Variants in SLC13A3 observed in about 807,000 individuals in gnomAD.
SLC13A3 encodes the protein solute carrier family 13 member 3, also known as Na(+)/dicarboxylate cotransporter 3.
SLC13A3 carries 40 observed loss-of-function variants against 59.0 expected under a neutral mutation model. The observed-to-expected ratio is 0.68, with a 90% CI of 0.53 to 0.88. SLC13A3 has a LOEUF of 0.88. Ranked by LOEUF, SLC13A3 falls within the 40% of genes least tolerant of loss-of-function variation. The probability of loss-of-function intolerance (pLI) is 0.00; values close to 1 mark genes in which losing one functional copy is unlikely to be tolerated. For missense variants in SLC13A3, 699 were observed against 783.2 expected (o/e 0.89, Z 1.28); for synonymous variants, 317 against 330.3 (o/e 0.96, Z 0.44).
intron 2 of SLC13A3, among the ~76,000 whole-genome samples, chr20:46,611,453 C>T (rs2062492653): frequency 6.6e-6 from 1 of 152,126 alleles, no homozygotes; most frequent in Non-Finnish European, 1.5e-5. Flanking sequence ...TTCCACTTGG[C>T]ATTGGAATTA....
chr20:46,619,182 G>C (rs2062590407), intron 1 of SLC13A3, among the ~76,000 whole-genome samples: 1 of 152,190 alleles, frequency 6.6e-6, no homozygotes, highest in African/African-American at 2.4e-5. Flanking sequence ...GGATTTGAGA[G>C]GTGTTTGGCA....
intron 1 of SLC13A3, among the ~76,000 whole-genome samples, chr20:46,616,786 C>T (rs541235879): frequency 1.4e-4 from 22 of 152,338 alleles, no homozygotes; most frequent in Admixed American, 3.3e-4. Context: ...AGCCAGTGTA[C>T]CAAAGGCTTC....
At chr20:46,619,197 G>A (rs2062590491) in intron 1 of SLC13A3, among the ~76,000 whole-genome samples, 1 of 152,200 alleles carries the variant, frequency 6.6e-6, no homozygotes, top group Admixed American at 6.5e-5. Context: ...TTGGCACAGA[G>A]AAGGAGAGGG....
intron 1 of SLC13A3, 85 bp from the exon 2 acceptor site, chr20:46,613,810 A>G: frequency 5.4e-6 from 5 of 926,842 alleles, no homozygotes; most frequent in South Asian, 2.0e-5. Context: ...CAGAGGGGGA[A>G]GGAGGCCTGG....
intron 3 of SLC13A3, among the ~76,000 whole-genome samples, chr20:46,601,967 C>T (rs2062384862): frequency 6.6e-6 from 1 of 152,122 alleles, no homozygotes; most frequent in Non-Finnish European, 1.5e-5. Context: ...GTGGCTTCTC[C>T]TCTGAGTCAG....
At chr20:46,566,439 C>T (rs55923215) in intron 10 of SLC13A3, 49 bp from the exon 11 acceptor site, 11 of 1,578,504 alleles carry the variant, frequency 7.0e-6, no homozygotes, top group Middle Eastern at 3.4e-4. Flanking sequence ...CCCCAGCTGC[C>T]GCCCCCCAGA....
chr20:46,598,820 G>C lies in SLC13A3; in HGVS notation c.608+1151C>G, dbSNP rs191748956. ...CTCTCCCCCCCGAAGCCAACTCTCA[G>C]ACCCCACCTCCTACCATGTGCTCAC... On this transcript the variant is annotated intron_variant, in intron 4 of 12. Coordinates refer to ENST00000279027, the MANE Select transcript of SLC13A3 (RefSeq NM_022829.6). Among the ~76,000 whole-genome samples, 8 of 150,214 alleles carry C rather than the reference G, an allele frequency of 5.3e-5. No individual in the cohort carries two copies. The East Asian group carries it at 1.4e-3, about 26-fold the overall frequency.
intron 1 of SLC13A3, among the ~76,000 whole-genome samples, chr20:46,644,700 T>A (rs2062877141): frequency 6.6e-6 from 1 of 152,108 alleles, no homozygotes; most frequent in Non-Finnish European, 1.5e-5. Flanking sequence ...TGAATTCATA[T>A]CCAAATGAAT....
In SLC13A3 at chr20:46,575,470, G is replaced by A. The variant is rs144335126; in HGVS notation, c.1332+103C>T. The A allele has an allele frequency of 5.1e-4, 296 of 580,996 alleles. 3 individuals carry two copies. Among genetic ancestry groups the A allele is most frequent in the African/African-American group, 4.8e-3 (250 of 52,256 alleles). 36.0% of individuals were successfully genotyped at this position (580,996 alleles called of 1,614,324 possible). ...GAAACTGGCTGTGCCCCCAGGGCCC[G>A]TGCAGCTCACCTGCTCTGATCCTGG... On this transcript the variant is annotated intron_variant, in intron 10 of 12. Transcript: ENST00000279027.
chr20:46,613,841 G>A lies in SLC13A3; in HGVS notation c.112-116C>T, dbSNP rs6122511. 107 of 914,672 alleles carry A rather than the reference G, an allele frequency of 1.2e-4. No individual in the cohort carries two copies. In the East Asian group the frequency reaches 1.9e-3, roughly 16 times the overall value. 56.7% of individuals were successfully genotyped at this position (914,672 alleles called of 1,614,324 possible). A position where few individuals can be genotyped will look rare whatever the true frequency, so the allele number is the denominator to read the frequency against. On this transcript the variant is annotated intron_variant, in intron 1 of 12. Coordinates refer to ENST00000279027, the MANE Select transcript of SLC13A3 (RefSeq NM_022829.6). ...CCTGGGCTGGGGGCAGAGGGGGAAG[G>A]AGGCCTGCGGCAGGGCCTGCCCCGG...
chr20:46,572,756 G>A (rs143576025), intron 10 of SLC13A3, among the ~76,000 whole-genome samples: 17 of 152,298 alleles, frequency 1.1e-4, no homozygotes, highest in East Asian at 9.6e-4. Context: ...GGTGGGTGCC[G>A]TTGTGATTCC....
chr20:46,633,921 A>G (rs2062770384), intron 1 of SLC13A3, among the ~76,000 whole-genome samples: 1 of 152,242 alleles, frequency 6.6e-6, no homozygotes, highest in African/African-American at 2.4e-5. Context: ...ATGATAAAGC[A>G]CACAGAGGTT....
In SLC13A3 at chr20:46,600,034, G is replaced by A; in HGVS notation, c.545C>T (p.Ala182Val). Residue 182 changes from alanine (A) to valine (V), a missense_variant, in exon 4 of 13, where the codon GCT becomes GTT. By Grantham distance (64) the Ala-to-Val change is moderately conservative (BLOSUM62 0). Transcript: ENST00000279027. Reference sequence around the variant, plus strand: ...AGTGTGTAGGCCGTTTCTCCGCACAGCAGCTAGGAGGAAAGAGCATGATGT... The same window carrying A: ...AGTGTGTAGGCCGTTTCTCCGCACAACAGCTAGGAGGAAAGAGCATGATGT... ...PSQESEENTA[A>V]VRRNGLHTVP... The A allele has an allele frequency of 6.4e-7, 1 of 1,559,174 alleles. No individual in the cohort carries two copies. Among genetic ancestry groups the A allele is most frequent in the Non-Finnish European group, 8.8e-7 (1 of 1,141,986 alleles).
intron 7 of SLC13A3, 48 bp from the exon 8 acceptor site, chr20:46,588,211 G>C: frequency 8.4e-7 from 1 of 1,185,908 alleles, no homozygotes; most frequent in East Asian, 2.4e-5. Context: ...GTTTCAGGCA[G>C]ACCGCAGCAG....
chr20:46,594,832 T>C (rs1382169210), intron 5 of SLC13A3, among the ~76,000 whole-genome samples: 1 of 152,104 alleles, frequency 6.6e-6, no homozygotes, highest in Non-Finnish European at 1.5e-5. Context: ...TGAGAATGTA[T>C]TGGCAATTCA....
At chr20:46,607,468 T>C (rs975026514) in intron 3 of SLC13A3, among the ~76,000 whole-genome samples, 1 of 152,204 alleles carries the variant, frequency 6.6e-6, no homozygotes. Flanking sequence ...TAGCCTTGTT[T>C]TAGGTCTTAG....
intron 5 of SLC13A3, among the ~76,000 whole-genome samples, chr20:46,594,686 G>A (rs2062292286): frequency 6.6e-6 from 1 of 151,804 alleles, no homozygotes; most frequent in Non-Finnish European, 1.5e-5. Flanking sequence ...AAGGTTTGCA[G>A]TAAAACTCAG....
intron 5 of SLC13A3, 49 bp downstream of exon 5, chr20:46,596,108 G>A (rs750024744): frequency 2.9e-5 from 44 of 1,543,196 alleles, no homozygotes; most frequent in Non-Finnish European, 3.6e-5. Flanking sequence ...GGAGGGAAGA[G>A]GAGGGGAGGA....
intron 1 of SLC13A3, among the ~76,000 whole-genome samples, chr20:46,643,609 AC>A (rs1396323183): frequency 6.6e-6 from 1 of 152,198 alleles, no homozygotes; most frequent in Admixed American, 6.5e-5. Flanking sequence ...TAATAAACAT[AC>A]AGTAAACATG....
Sources: gnomAD v4.1 joint callset for allele counts (sites outside exome capture counted in the v4.1 genomes callset) on GRCh38, gnomAD v4.1.1 for gene constraint, MANE v1.5 for transcripts, NCBI Gene and HGNC (gene_info 2026-07-23, HGNC 2026-07-21) for gene names.